Variants in TENM3 observed in about 807,000 individuals in gnomAD.
The protein encoded by TENM3 is teneurin-3.
Under a neutral mutation model 255.1 loss-of-function variants are expected in TENM3, and 63 were observed. The ratio of observed to expected loss-of-function variants is 0.25; its 90% CI spans 0.20 to 0.30. The LOEUF is 0.30. TENM3 is among the 10% of genes least tolerant of loss of function. The pLI, the probability that TENM3 is intolerant of heterozygous loss-of-function variation, is 1.00. For missense variants in TENM3, 2,929 were observed against 3,461.1 expected (o/e 0.85, Z 3.86); for synonymous variants, 1,306 against 1,322.3 (o/e 0.99, Z 0.27).
At chr4:181,465,534 A>G in the TENM3 span, among the ~76,000 whole-genome samples, 3 of 152,206 alleles carry the variant, frequency 2.0e-5, no homozygotes, top group East Asian at 5.8e-4. Context: ...AAATAACTAC[A>G]TAATTTTAGA....
chr4:182,259,894 A>C (rs1290052133), intron 1 of TENM3, among the ~76,000 whole-genome samples: 2 of 152,028 alleles, frequency 1.3e-5, no homozygotes, highest in Non-Finnish European at 2.9e-5. Context: ...CCCACTTATC[A>C]TCCTCTCTTC....
At chr4:182,095,760 G>A in the TENM3 span, among the ~76,000 whole-genome samples, 3 of 152,056 alleles carry the variant, frequency 2.0e-5, no homozygotes, top group South Asian at 4.1e-4. Context: ...AATTCTTGAG[G>A]TGAGACTATC....
At chr4:182,115,574 C>T in the TENM3 span, among the ~76,000 whole-genome samples, 2 of 152,130 alleles carry the variant, frequency 1.3e-5, no homozygotes, top group Non-Finnish European at 2.9e-5. Context: ...AAATTCTAGG[C>T]TAAGAAAACA....
the TENM3 span, among the ~76,000 whole-genome samples, chr4:181,666,390 A>C: frequency 6.6e-6 from 1 of 152,160 alleles, no homozygotes; most frequent in African/African-American, 2.4e-5. Context: ...ATGATTCAGA[A>C]CTGTTCAACC....
chr4:182,072,752 GA>G, the TENM3 span, among the ~76,000 whole-genome samples: 2 of 152,116 alleles, frequency 1.3e-5, no homozygotes, highest in Non-Finnish European at 2.9e-5. Flanking sequence ...CTGGGAACTT[GA>G]TGAAAGACTT....
intron 3 of TENM3, among the ~76,000 whole-genome samples, chr4:182,387,280 ACT>A (rs1768018153): frequency 6.6e-6 from 1 of 152,078 alleles, no homozygotes; most frequent in African/African-American, 2.4e-5. Context: ...ACCAATCGAC[ACT>A]CTGTATCTAG....
intron 3 of TENM3, among the ~76,000 whole-genome samples, chr4:182,570,528 C>T (rs922537080): frequency 6.6e-6 from 1 of 152,160 alleles, no homozygotes; most frequent in Non-Finnish European, 1.5e-5. Flanking sequence ...AAACCCACAC[C>T]AGTGGCGGTA....
chr4:182,436,844 C>G (rs1244915041), intron 3 of TENM3, among the ~76,000 whole-genome samples: 2 of 151,824 alleles, frequency 1.3e-5, no homozygotes, highest in Non-Finnish European at 2.9e-5. Flanking sequence ...ATGGTGAAAC[C>G]CCATCTCTAC....
At chr4:182,766,648 C>T (rs1052449421) in intron 22 of TENM3, among the ~76,000 whole-genome samples, 5 of 152,258 alleles carry the variant, frequency 3.3e-5, no homozygotes, top group South Asian at 2.1e-4. Flanking sequence ...TATCACTATG[C>T]TCAGCGTTCA....
intron 12 of TENM3, among the ~76,000 whole-genome samples, chr4:182,712,823 T>C (rs1758853806): frequency 6.6e-6 from 1 of 152,236 alleles, no homozygotes; most frequent in African/African-American, 2.4e-5. Context: ...AAACCCCAAT[T>C]GCTATAGCAA....
At chr4:182,238,315 AC>A (rs1757015731) in intron 1 of TENM3, among the ~76,000 whole-genome samples, 1 of 152,212 alleles carries the variant, frequency 6.6e-6, no homozygotes, top group Non-Finnish European at 1.5e-5. Flanking sequence ...AAGAACTAAA[AC>A]AAATAAAGCT....
the TENM3 span, among the ~76,000 whole-genome samples, chr4:181,508,368 A>G: frequency 2.6e-5 from 4 of 152,136 alleles, no homozygotes; most frequent in Admixed American, 2.6e-4. Context: ...CCCCATTCAC[A>G]CTGGAACTCC....
the TENM3 span, among the ~76,000 whole-genome samples, chr4:181,749,439 C>G: frequency 6.6e-6 from 1 of 152,094 alleles, no homozygotes; most frequent in African/African-American, 2.4e-5. Context: ...AAACAGATCT[C>G]TTATCACAAG....
intron 3 of TENM3, among the ~76,000 whole-genome samples, chr4:182,503,493 T>C (rs908486232): frequency 6.6e-6 from 1 of 152,192 alleles, no homozygotes; most frequent in African/African-American, 2.4e-5. Flanking sequence ...TTACTACATA[T>C]ATACTCATTT....
chr4:181,535,653 G>T, the TENM3 span, among the ~76,000 whole-genome samples: 1 of 152,182 alleles, frequency 6.6e-6, no homozygotes, highest in Non-Finnish European at 1.5e-5. Context: ...CTTCAAGCTA[G>T]CCTGCCCTTA....
intron 22 of TENM3, among the ~76,000 whole-genome samples, chr4:182,756,530 T>G (rs1762756852): frequency 6.6e-6 from 1 of 152,190 alleles, no homozygotes; most frequent in Admixed American, 6.5e-5. Context: ...AAAATAGTCT[T>G]TGAAATGAAT....
the TENM3 span, among the ~76,000 whole-genome samples, chr4:181,990,700 G>A: frequency 2.0e-5 from 3 of 152,120 alleles, no homozygotes; most frequent in African/African-American, 7.2e-5. Flanking sequence ...GATGGCTGCT[G>A]CTATTAGAAG....
At chr4:181,457,448 T>C in the TENM3 span, among the ~76,000 whole-genome samples, 2 of 151,786 alleles carry the variant, frequency 1.3e-5, no homozygotes, top group Non-Finnish European at 2.9e-5. Flanking sequence ...TTTTTTTTGT[T>C]TGGGGCTCTC....
At chr4:182,619,016 G>A (rs1361019096) in intron 4 of TENM3, among the ~76,000 whole-genome samples, 5 of 152,110 alleles carry the variant, frequency 3.3e-5, no homozygotes, top group African/African-American at 9.7e-5. Context: ...AGACTTAAAA[G>A]ACAGAGTTAC....
Sources: allele counts gnomAD v4.1 joint callset (sites outside exome capture counted in the v4.1 genomes callset), GRCh38; gene constraint gnomAD v4.1.1; transcripts MANE v1.5; gene names NCBI Gene and HGNC (gene_info 2026-07-23, HGNC 2026-07-21).